MOB1A: variants seen among roughly 807,000 people sequenced by gnomAD.
MOB1A encodes MOB1 Mps One Binder homolog A.
A neutral mutation model predicts 25.1 loss-of-function variants in MOB1A; 10 were observed. The observed-to-expected ratio is 0.40, with a 90% CI of 0.25 to 0.68. MOB1A has a LOEUF of 0.68. MOB1A is among the 30% of genes least tolerant of loss of function. The pLI, the probability that MOB1A is intolerant of heterozygous loss-of-function variation, is 0.40. For synonymous variants in MOB1A, 81 were observed against 79.5 expected (o/e 1.02, Z -0.10); for missense variants, 177 against 256.3 (o/e 0.69, Z 2.11).
At position 74,165,359 on chromosome 2, in the gene MOB1A, G is replaced by GA; in HGVS notation, c.276-9dup. Reference sequence around the variant, plus strand: ...GCCCAGTGATATTCATATCTGAAGAGAAAAATGTTTTACTGATAAATTTTT... The same window carrying GA: ...GCCCAGTGATATTCATATCTGAAGAGAAAAAATGTTTTACTGATAAATTTTT... On this transcript the variant is annotated splice_polypyrimidine_tract_variant and intron_variant, in intron 3 of 5. Transcript: ENST00000396049. 2 of 1,475,180 alleles carry GA rather than the reference G, an allele frequency of 1.4e-6. No individual in the cohort carries two copies. The highest frequency in any genetic ancestry group is 1.8e-6 in the Non-Finnish European group (2 of 1,107,674). 91.4% of individuals were successfully genotyped at this position (1,475,180 alleles called of 1,614,324 possible). A position where few individuals can be genotyped will look rare whatever the true frequency, so the allele number is the denominator to read the frequency against.
rs1558829538 is a variant in MOB1A, at chr2:74,156,559, A to G, written c.*9T>C. 6.5e-7 allele frequency: 1 copy of G among 1,543,032 alleles called. No homozygotes were observed. Among genetic ancestry groups the G allele is most frequent in the Non-Finnish European group, 8.8e-7 (1 of 1,138,820 alleles). On this transcript the variant is annotated 3_prime_UTR_variant, in exon 6 of 6. Transcript: ENST00000396049. ...AAGCAAGGGGGTAACTGTGTTCTAG[A>G]AGAAACATTTATCTGTCTTTTGATC... is the stretch of plus-strand genomic sequence containing the variant.
intron 2 of MOB1A, among the ~76,000 whole-genome samples, chr2:74,169,911 G>C (rs1343645743): frequency 6.6e-6 from 1 of 152,032 alleles, no homozygotes; most frequent in East Asian, 1.9e-4. Flanking sequence ...TTACAGACAT[G>C]AGCCACCATG....
In MOB1A at chr2:74,172,700, A is replaced by C. The variant is rs755662573; in HGVS notation, c.67T>G (p.Ser23Ala). ...FKPKKNIPEGSHQYELLKHAE... is the reference protein window; with the variant it reads ...FKPKKNIPEGAHQYELLKHAE... ...TGTTTTAAGAGTTCATACTGATGAG[A>C]TCCTTCAGGGATATTCTTCTTTGGT... The change falls in exon 2 of 6, where the codon TCT (serine) becomes GCT (alanine). Residue 23 changes from serine (S) to alanine (A), a missense_variant. Physicochemically the swap from Ser to Ala is moderately conservative, Grantham distance 99. Coordinates refer to ENST00000396049, the MANE Select transcript of MOB1A (RefSeq NM_018221.5). The C allele has an allele frequency of 6.2e-7, 1 of 1,613,910 alleles. No homozygotes were observed.
Position 74,167,127 on chromosome 2 carries a change from G to T in MOB1A, c.182-20C>A. ...CCACAGCTGCAGAGATAATAGAATT[G>T]TGTCAAAATGTCTGTGTAAACACAA... On this transcript the variant is annotated intron_variant, in intron 2 of 5. Coordinates refer to ENST00000396049, the MANE Select transcript of MOB1A (RefSeq NM_018221.5). 1.3e-6 allele frequency: 2 copies of T among 1,586,756 alleles called. No individual in the cohort carries two copies. The highest frequency in any genetic ancestry group is 8.6e-7 in the Non-Finnish European group (1 of 1,158,568).
In MOB1A at chr2:74,153,310, T is replaced by G. The variant is rs188802585; in HGVS notation, c.*3258A>C. The G allele has an allele frequency of 6.6e-6, 1 of 152,356 alleles. No homozygotes were observed. The highest frequency in any genetic ancestry group is 6.5e-5 in the Admixed American group (1 of 15,304). The allele number at this position is 152,356 out of a possible 1,614,324, so 9.4% of individuals were successfully genotyped here. A position where few individuals can be genotyped will look rare whatever the true frequency, so the allele number is the denominator to read the frequency against. ...TATTATGTTTGAGAAGCTCTACTTC[T>G]AGTATACCTCAATGCTCAGAGAGAA... is the stretch of plus-strand genomic sequence containing the variant. On this transcript the variant is annotated 3_prime_UTR_variant, in exon 6 of 6. Coordinates refer to ENST00000396049, the MANE Select transcript of MOB1A (RefSeq NM_018221.5).
Position 74,178,588 on chromosome 2 carries a change from G to C in MOB1A, c.14+73C>G, listed in dbSNP as rs985936623. 3 of 1,151,668 alleles carry C rather than the reference G, an allele frequency of 2.6e-6. No individual in the cohort carries two copies. In the African/African-American group the frequency reaches 4.9e-5, roughly 19 times the overall value. 71.3% of individuals were successfully genotyped at this position (1,151,668 alleles called of 1,614,324 possible). ...GCCTCGGCCCCCAGGCCGAGCCCTC[G>C]CCTCAGGTCCGGGGAGGCCTCCCCC... On this transcript the variant is annotated intron_variant, in intron 1 of 5. Transcript: ENST00000396049.
chr2:74,173,914 A>C (rs1572966867), intron 1 of MOB1A, among the ~76,000 whole-genome samples: 1 of 135,018 alleles, frequency 7.4e-6, no homozygotes, highest in Non-Finnish European at 1.5e-5. Context: ...GCACCACTGC[A>C]CTCCAGCCTG....
chr2:74,159,827 C>A (rs796462021), intron 4 of MOB1A, among the ~76,000 whole-genome samples: 1 of 106,372 alleles, frequency 9.4e-6, no homozygotes, highest in East Asian at 3.2e-4. Context: ...GTCCCCCCCC[C>A]CACCCCGGAG....
chr2:74,157,693 G>A (rs1166993704), intron 5 of MOB1A, among the ~76,000 whole-genome samples: 2 of 152,156 alleles, frequency 1.3e-5, no homozygotes, highest in Non-Finnish European at 2.9e-5. Flanking sequence ...TGCTTGGTGT[G>A]TGAGGGACAG....
At chr2:74,167,165 C>A in intron 2 of MOB1A, 58 bp from the exon 3 acceptor site, 1 of 1,330,738 alleles carries the variant, frequency 7.5e-7, no homozygotes, top group Non-Finnish European at 1.1e-6. Flanking sequence ...TATGAGACCT[C>A]CAGTTGAAGG....
Position 74,176,201 on chromosome 2 carries a change from G to A in MOB1A, c.14+2460C>T, listed in dbSNP as rs532277989. ...TGAGGCAGGAGAATTGCTTGAACCC[G>A]GGATGCAGAGGTTGCAGTGAGCTGA... On this transcript the variant is annotated intron_variant, in intron 1 of 5. Coordinates refer to ENST00000396049, the MANE Select transcript of MOB1A (RefSeq NM_018221.5). Among the ~76,000 whole-genome samples the A allele has an allele frequency of 1.0e-4, 15 of 145,454 alleles. No homozygotes were observed. In the South Asian group the frequency reaches 1.7e-3, roughly 17 times the overall value.
intron 2 of MOB1A, among the ~76,000 whole-genome samples, chr2:74,171,176 G>A (rs759215606): frequency 6.6e-6 from 1 of 151,922 alleles, no homozygotes; most frequent in Non-Finnish European, 1.5e-5. Flanking sequence ...CAGCTACTGG[G>A]GAGGCTGAGG....
intron 3 of MOB1A, 26 bp from the exon 4 acceptor site, chr2:74,165,377 A>C (rs1475016192): frequency 2.1e-6 from 3 of 1,407,598 alleles, no homozygotes; most frequent in Non-Finnish European, 9.4e-7. Context: ...TTTTACTGAT[A>C]AATTTTTCAA....
intron 2 of MOB1A, among the ~76,000 whole-genome samples, chr2:74,172,231 C>CA (rs1693313466): frequency 6.6e-6 from 1 of 152,180 alleles, no homozygotes; most frequent in South Asian, 2.1e-4. Flanking sequence ...ATGAGTACTG[C>CA]TGGGAGTGGA....
intron 4 of MOB1A, among the ~76,000 whole-genome samples, chr2:74,160,138 GAGTA>G (rs1438082359): frequency 6.6e-6 from 1 of 152,154 alleles, no homozygotes; most frequent in Non-Finnish European, 1.5e-5. Context: ...AATGCAACAA[GAGTA>G]AGTATTTTGA....
chr2:74,168,572 G>A (rs897184613), intron 2 of MOB1A, among the ~76,000 whole-genome samples: 2 of 151,796 alleles, frequency 1.3e-5, no homozygotes, highest in East Asian at 2.0e-4. Context: ...GAGACTAGGA[G>A]TTCAAGGTTG....
chr2:74,173,266 T>C (rs1296747047), intron 1 of MOB1A: 2 of 506,098 alleles, frequency 4.0e-6, no homozygotes, highest in Admixed American at 2.0e-5. Flanking sequence ...GCAATTTTAC[T>C]ATGCCCTCTG....
At chr2:74,161,470 T>G (rs1692970829) in intron 4 of MOB1A, among the ~76,000 whole-genome samples, 1 of 151,692 alleles carries the variant, frequency 6.6e-6, no homozygotes, top group Non-Finnish European at 1.5e-5. Flanking sequence ...AGTGAAACCC[T>G]GTCTCTACTA....
chr2:74,176,275 C>CAAAAA lies in MOB1A; in HGVS notation c.14+2381_14+2385dup, dbSNP rs1201428854. On this transcript the variant is annotated intron_variant, in intron 1 of 5. Coordinates refer to ENST00000396049, the MANE Select transcript of MOB1A (RefSeq NM_018221.5). ...TAGGCAACAGAGTGAGACCCTGTCT[C>CAAAAA]AAAAAAAAAAAAAAAAAAAAAAAGG... Among the ~76,000 whole-genome samples, 8 of 29,596 alleles carry CAAAAA rather than the reference C, an allele frequency of 2.7e-4. 1 individual carries two copies. The highest frequency in any genetic ancestry group is 3.3e-4 in the Non-Finnish European group (6 of 18,152). 19.4% of individuals were successfully genotyped at this position (29,596 alleles called of 152,430 possible). A position where few individuals can be genotyped will look rare whatever the true frequency, so the allele number is the denominator to read the frequency against.
Sources: gnomAD v4.1 joint callset for allele counts (sites outside exome capture counted in the v4.1 genomes callset) on GRCh38, gnomAD v4.1.1 for gene constraint, MANE v1.5 for transcripts, NCBI Gene and HGNC (gene_info 2026-07-23, HGNC 2026-07-21) for gene names.